The following KANSL1L variants were observed in gnomAD, a reference collection of about 807,000 sequenced individuals.
KANSL1L encodes KAT8 regulatory NSL complex subunit 1-like protein.
In KANSL1L, 25 loss-of-function variants were observed where a neutral mutation model predicts 108.6. The ratio of observed to expected loss-of-function variants is 0.23; its 90% CI spans 0.17 to 0.32. The LOEUF is 0.32. Ranked by LOEUF, KANSL1L falls within the 10% of genes least tolerant of loss-of-function variation. KANSL1L has a pLI of 1.00. For synonymous variants in KANSL1L, 405 were observed against 395.1 expected (o/e 1.03, Z -0.30); for missense variants, 1,137 against 1,125.7 (o/e 1.01, Z -0.14).
chr2:210,132,557 T>C (rs1575590949), intron 2 of KANSL1L, among the ~76,000 whole-genome samples: 1 of 152,190 alleles, frequency 6.6e-6, no homozygotes, highest in Admixed American at 6.5e-5. Flanking sequence ...CACTTAACTT[T>C]TGCTAAAAGA....
chr2:210,110,540 A>G (rs2094893490), intron 3 of KANSL1L, among the ~76,000 whole-genome samples: 1 of 152,216 alleles, frequency 6.6e-6, no homozygotes, highest in South Asian at 2.1e-4. Flanking sequence ...AAAAGCCAAT[A>G]TACAGGACAA....
Position 210,043,600 on chromosome 2 carries a change from G to T in KANSL1L, c.1921+339C>A, listed in dbSNP as rs184285527. The T allele has an allele frequency of 3.4e-3, 594 of 172,542 alleles. 5 individuals carry two copies. The highest frequency in any genetic ancestry group is 6.0e-3 in the Non-Finnish European group (490 of 82,118). The allele number at this position is 172,542 out of a possible 1,614,324, so 10.7% of individuals were successfully genotyped here. A position where few individuals can be genotyped will look rare whatever the true frequency, so the allele number is the denominator to read the frequency against. ...CATGTATAACAGCACATTAGAAAAA[G>T]AACACTGAATTACCATTACTCAGAA... On this transcript the variant is annotated intron_variant, in intron 7 of 14. Transcript: ENST00000281772.
chr2:210,055,043 T>C (rs2094335256), intron 6 of KANSL1L, among the ~76,000 whole-genome samples: 2 of 152,176 alleles, frequency 1.3e-5, no homozygotes, highest in Admixed American at 6.5e-5. Context: ...CATCTTGAAT[T>C]GTAGTTCCCA....
At chr2:210,074,293 C>T (rs1349519944) in intron 6 of KANSL1L, among the ~76,000 whole-genome samples, 1 of 152,086 alleles carries the variant, frequency 6.6e-6, no homozygotes, top group Non-Finnish European at 1.5e-5. Flanking sequence ...TTTCAAAACC[C>T]ATCTTTTCTA....
chr2:210,114,546 A>G (rs2094936526), intron 3 of KANSL1L, among the ~76,000 whole-genome samples: 1 of 152,138 alleles, frequency 6.6e-6, no homozygotes, highest in Admixed American at 6.5e-5. Flanking sequence ...GAAGTTAAAT[A>G]CATGCATAAT....
At chr2:210,092,584 C>A (rs2094701547) in intron 5 of KANSL1L, among the ~76,000 whole-genome samples, 1 of 152,166 alleles carries the variant, frequency 6.6e-6, no homozygotes. Context: ...ATCAGGCTAC[C>A]ATTTTAAAGT....
intron 5 of KANSL1L, among the ~76,000 whole-genome samples, chr2:210,079,640 A>ATATATATATATATATATATGTATGTG (rs2125339543): frequency 2.0e-4 from 1 of 5,030 alleles, no homozygotes; most frequent in South Asian, 0.019. Flanking sequence ...ATATATATAT[A>ATATATATATATATATATATGTATGTG]TATATATATA....
At chr2:210,023,382 T>C (rs904985920) in intron 14 of KANSL1L, among the ~76,000 whole-genome samples, 1 of 152,232 alleles carries the variant, frequency 6.6e-6, no homozygotes, top group African/African-American at 2.4e-5. Flanking sequence ...TTTATTTCTT[T>C]ACTTTGCCTC....
chr2:210,166,130 A>C (rs978600665), intron 1 of KANSL1L, among the ~76,000 whole-genome samples: 16 of 152,162 alleles, frequency 1.1e-4, no homozygotes, highest in Admixed American at 1.0e-3. Flanking sequence ...TACAAATAAA[A>C]GGTCTTGCCC....
At chr2:210,095,467 A>G (rs1011147237) in intron 5 of KANSL1L, among the ~76,000 whole-genome samples, 3 of 152,150 alleles carry the variant, frequency 2.0e-5, no homozygotes, top group Non-Finnish European at 4.4e-5. Flanking sequence ...TTGGCATACG[A>G]AACAATAGAC....
At chr2:210,147,582 TTAAGTA>T (rs1339344923) in intron 2 of KANSL1L, among the ~76,000 whole-genome samples, 2 of 152,240 alleles carry the variant, frequency 1.3e-5, no homozygotes, top group African/African-American at 4.8e-5. Context: ...GGTTCTTCAT[TTAAGTA>T]TAATTTGCAA....
chr2:210,107,777 C>T (rs1575544855), intron 3 of KANSL1L, among the ~76,000 whole-genome samples: 1 of 151,978 alleles, frequency 6.6e-6, no homozygotes, highest in Admixed American at 6.6e-5. Context: ...TTGTAATTCG[C>T]CTGCCTCGGC....
At chr2:210,081,615 T>C (rs184921414) in intron 5 of KANSL1L, among the ~76,000 whole-genome samples, 1 of 152,332 alleles carries the variant, frequency 6.6e-6, no homozygotes, top group African/African-American at 2.4e-5. Context: ...ATTTTGTTTA[T>C]CCTTGCATCA....
rs946824612 is a variant in KANSL1L, at chr2:210,044,045, T to G, written c.1815A>C (p.Ser605=). 2 of 1,609,804 alleles carry G rather than the reference T, an allele frequency of 1.2e-6. No homozygotes were observed. The highest frequency in any genetic ancestry group is 3.3e-4 in the Middle Eastern group (2 of 6,052). Residue 605 remains serine (S), a synonymous_variant, in exon 7 of 15, where the codon TCA becomes TCC. Transcript: ENST00000281772. This position sits in a 1 kb window ranked among gnomAD's most constrained non-coding sequence, Gnocchi z 4.2. The part of the protein sequence containing the change: ...LNTTQMPCLQ[S]ASTWSSYEHN... ...GTTCATAGCTACTCCAAGTTGAAGC[T>G]GATTGCAGGCAAGGCATTTGTGTAG...
chr2:210,146,761 G>C (rs973766463), intron 2 of KANSL1L, among the ~76,000 whole-genome samples: 4 of 152,146 alleles, frequency 2.6e-5, no homozygotes, highest in Admixed American at 1.3e-4. Context: ...AGAGGATTGT[G>C]ATTCACTGAT....
chr2:210,027,307 C>G lies in KANSL1L; in HGVS notation c.2440G>C (p.Gly814Arg), dbSNP rs1559495659. 6.2e-7 allele frequency: 1 copy of G among 1,611,550 alleles called. No homozygotes were observed. Among genetic ancestry groups the G allele is most frequent in the Non-Finnish European group, 8.5e-7 (1 of 1,177,832 alleles). ...VLQPLDEYNL[G>R]KEEIEDLSDE... ...GAAAGGCAGCTTACCTCTTCTTTGC[C>G]TAAATTATATTCATCCAAAGGCTGA... Residue 814 changes from glycine to arginine, a missense_variant, in exon 12 of 15, where the codon GGC (glycine) becomes CGC (arginine). Gly to Arg is a moderately radical substitution (Grantham distance 125, BLOSUM62 -2). Transcript: ENST00000281772.
rs1429573071 is a variant in KANSL1L, at chr2:210,022,459, GTT to G, written c.*488_*489del. ...CCAAGGGGAGTGGGTCATTGCCAGT[GTT>G]TTAAAAACTACATAGGGGTGTGTGT... On this transcript the variant is annotated 3_prime_UTR_variant, in exon 15 of 15. Coordinates refer to ENST00000281772, the MANE Select transcript of KANSL1L (RefSeq NM_152519.4). 1 of 154,490 alleles carries G rather than the reference GTT, an allele frequency of 6.5e-6. No individual in the cohort carries two copies. The highest frequency in any genetic ancestry group is 1.4e-5 in the Non-Finnish European group (1 of 69,526). The allele number at this position is 154,490 out of a possible 1,614,324, so 9.6% of individuals were successfully genotyped here. A position where few individuals can be genotyped will look rare whatever the true frequency, so the allele number is the denominator to read the frequency against.
At chr2:210,025,866 A>T (rs2093929248) in intron 12 of KANSL1L, among the ~76,000 whole-genome samples, 1 of 152,172 alleles carries the variant, frequency 6.6e-6, no homozygotes, top group Non-Finnish European at 1.5e-5. Flanking sequence ...CTATTGGTTC[A>T]TATTTGAAGA....
intron 3 of KANSL1L, among the ~76,000 whole-genome samples, chr2:210,121,035 TA>T (rs1341212025): frequency 1.3e-5 from 2 of 152,204 alleles, no homozygotes; most frequent in Non-Finnish European, 2.9e-5. Context: ...GGAATGCTTT[TA>T]CACCACTGGT....
Sources: gnomAD v4.1 joint callset for allele counts (sites outside exome capture counted in the v4.1 genomes callset) on GRCh38, gnomAD v4.1.1 for gene constraint, Gnocchi (gnomAD v3.1) non-coding constraint, MANE v1.5 for transcripts, NCBI Gene and HGNC (gene_info 2026-07-23, HGNC 2026-07-21) for gene names.